SETD1B: variants seen among roughly 807,000 people sequenced by gnomAD.
SETD1B encodes the protein SET domain containing 1B, histone lysine methyltransferase, also known as histone-lysine N-methyltransferase SETD1B.
Under a neutral mutation model 148.0 loss-of-function variants are expected in SETD1B, and 7 were observed. The observed-to-expected ratio is 0.05, with a 90% CI of 0.03 to 0.09. The LOEUF (loss-of-function observed/expected upper bound fraction) is 0.09. Ranked by LOEUF, SETD1B falls within the 10% of genes least tolerant of loss-of-function variation. The pLI is 1.00. For synonymous variants in SETD1B, 1,361 were observed against 1,186.5 expected (o/e 1.15, Z -3.02); for missense variants, 2,155 against 2,729.9 (o/e 0.79, Z 4.69).
the SETD1B span, chr12:121,793,319 C>A: frequency 6.9e-6 from 10 of 1,458,306 alleles, no homozygotes; most frequent in East Asian, 2.2e-4. Context: ...GTCCACCCCC[C>A]TCACTCGTCC....
At chr12:121,803,505 C>T (rs1463511808), upstream of SETD1B, 1 of 152,100 alleles carries the variant, frequency 6.6e-6, no homozygotes, top group African/African-American at 2.4e-5. The surrounding 1 kb of genome is among the most constrained non-coding windows in gnomAD (Gnocchi z 4.7). Context: ...TCGCGGGCCG[C>T]AGGAGGAAGC....
the SETD1B span, among the ~76,000 whole-genome samples, chr12:121,794,949 G>A: frequency 3.3e-5 from 5 of 152,216 alleles, no homozygotes; most frequent in Non-Finnish European, 7.3e-5. Context: ...CAGGACTCAG[G>A]ATCTTTTTGC....
the SETD1B span, chr12:121,796,292 C>CA: frequency 6.5e-6 from 1 of 152,852 alleles, no homozygotes; most frequent in African/African-American, 2.4e-5. Context: ...GTTCCTGACA[C>CA]AACAGCTGTT....
chr12:121,826,350 A>G (rs1396189987), intron 13 of SETD1B, among the ~76,000 whole-genome samples: 1 of 152,230 alleles, frequency 6.6e-6, no homozygotes, highest in East Asian at 1.9e-4. Flanking sequence ...AGAGAGGGTC[A>G]GACCCAGGCG....
At chr12:121,806,276 T>G (rs1025866934) in intron 4 of SETD1B, among the ~76,000 whole-genome samples, 171 bp downstream of exon 4, 1 of 150,764 alleles carries the variant, frequency 6.6e-6, no homozygotes, top group Non-Finnish European at 1.5e-5. Context: ...CTAAATGTGT[T>G]GTCTGTTGCT....
Position 121,822,614 on chromosome 12 carries a change from C to T in SETD1B, c.4035C>T (p.Ala1345=), listed in dbSNP as rs1331925095. Residue 1345 remains alanine, a synonymous_variant, in exon 12 of 17, where the codon GCC becomes GCT. Transcript: ENST00000604567. ...SPPPEPETTD[A]SHPSVPPEPL... is the part of the protein sequence containing the mutation. ...CGCCGGAGCCTGAGACCACAGATGCCTCACACCCATCTGTCCCTCCGGAGC... is the reference window on the plus strand; with the variant it reads ...CGCCGGAGCCTGAGACCACAGATGCTTCACACCCATCTGTCCCTCCGGAGC... The T allele has an allele frequency of 1.7e-5, 26 of 1,551,432 alleles. No homozygotes were observed. Among genetic ancestry groups the T allele is most frequent in the Admixed American group, 3.9e-5 (2 of 50,996 alleles).
Position 121,817,374 on chromosome 12 carries a change from C to CGAGCGA in SETD1B, c.2991_2996dup (p.Glu997_Arg998dup). The stretch of plus-strand genomic sequence containing the variant: ...TGACTCCCTCCCTTCCTGCAGAGTC[C>CGAGCGA]GAGCGAGAGCGAGACCGGGATATGG... On this transcript the variant is annotated inframe_insertion, in exon 9 of 17. Coordinates refer to ENST00000604567, the MANE Select transcript of SETD1B (RefSeq NM_001353345.2). This position sits in a 1 kb window ranked among gnomAD's most constrained non-coding sequence, Gnocchi z 8.1. 1 of 1,524,414 alleles carries CGAGCGA rather than the reference C, an allele frequency of 6.6e-7. No individual in the cohort carries two copies. Among genetic ancestry groups the CGAGCGA allele is most frequent in the African/African-American group, 1.4e-5 (1 of 72,716 alleles). The allele number at this position is 1,524,414 out of a possible 1,614,324, so 94.4% of individuals were successfully genotyped here.
rs868278683 is a variant in SETD1B, at chr12:121,814,524, G to A, written c.2309G>A (p.Gly770Asp). The A allele has an allele frequency of 6.8e-7, 1 of 1,473,052 alleles. No homozygotes were observed. The highest frequency in any genetic ancestry group is 9.0e-7 in the Non-Finnish European group (1 of 1,106,026). 91.2% of individuals were successfully genotyped at this position (1,473,052 alleles called of 1,614,324 possible). A position where few individuals can be genotyped will look rare whatever the true frequency, so the allele number is the denominator to read the frequency against. Reference protein sequence around the residue: ...MSHVLGGQWGGMPMSFQMQTQ... With the variant: ...MSHVLGGQWGDMPMSFQMQTQ... ...CACGTGCTGGGTGGCCAGTGGGGCG[G>A]CATGCCCATGTCCTTCCAGATGCAA... is the stretch of plus-strand genomic sequence containing the variant. Residue 770 changes from glycine to aspartate, a missense_variant, in exon 7 of 17, where the codon GGC (glycine) becomes GAC (aspartate). By Grantham distance (94) the Gly-to-Asp change is moderately conservative. This residue lies in a region of SETD1B where 289 missense variants were observed against 423.7 expected (regional missense o/e 0.68). Transcript: ENST00000604567.
At position 121,808,498 on chromosome 12, in the gene SETD1B, G is replaced by A. The variant is rs776556300; in HGVS notation, c.657+178G>A. ...CCACGCCCCCCACAATTGGGAGCAG[G>A]GCCTAGAGCCCCATTTTCCCAAGTG... On this transcript the variant is annotated intron_variant, in intron 5 of 16. Coordinates refer to ENST00000604567, the MANE Select transcript of SETD1B (RefSeq NM_001353345.2). This position sits in a 1 kb window ranked among gnomAD's most constrained non-coding sequence, Gnocchi z 5.3. Among the ~76,000 whole-genome samples, 35 of 152,302 alleles carry A rather than the reference G, an allele frequency of 2.3e-4. No homozygotes were observed. The highest frequency in any genetic ancestry group is 4.6e-4 in the Non-Finnish European group (31 of 68,018).
intron 15 of SETD1B, 23 bp from the exon 16 acceptor site, chr12:121,827,910 G>T (rs1313795561): frequency 1.3e-6 from 2 of 1,552,172 alleles, no homozygotes; most frequent in South Asian, 1.2e-5. Context: ...GGCCCAGCCA[G>T]ACTGACCCCC....
At chr12:121,791,428 A>G in the SETD1B span, among the ~76,000 whole-genome samples, 1 of 152,162 alleles carries the variant, frequency 6.6e-6, no homozygotes, top group Admixed American at 6.5e-5. Flanking sequence ...GACATCCCCA[A>G]TGATACGTAG....
At position 121,814,701 on chromosome 12, in the gene SETD1B, G is replaced by T; in HGVS notation, c.2486G>T (p.Gly829Val). ...GPFSLSNSGP[G>V]RGQHWPPLPK... ...TTCTCCCTGAGCAACTCCGGCCCAG[G>T]CCGCGGGCAGCACTGGCCACCACTG... The change falls in exon 7 of 17, where the codon GGC (glycine) becomes GTC (valine). Residue 829 changes from glycine (G) to valine (V), a missense_variant. This residue lies in a region of SETD1B where 289 missense variants were observed against 423.7 expected (regional missense o/e 0.68). Transcript: ENST00000604567. The T allele has an allele frequency of 6.4e-7, 1 of 1,550,544 alleles. No homozygotes were observed. Among genetic ancestry groups the T allele is most frequent in the South Asian group, 1.2e-5 (1 of 84,048 alleles).
rs1468213782 is a variant in SETD1B at position 121,814,380 on chromosome 12, C to T, written c.2165C>T (p.Ala722Val). Residue 722 changes from alanine (A) to valine (V), a missense_variant, in exon 7 of 17, where the codon GCT becomes GTT. This residue lies in a region of SETD1B where 295 missense variants were observed against 303.8 expected (regional missense o/e 0.97). Transcript: ENST00000604567. ...CCCCCACCCCCTCCAGCCCACCCTG[C>T]TGTGACAGTGCCCCCACCACCCTTG... ...PPPPPPPAHPAVTVPPPPLPA... is the reference protein window; with the variant it reads ...PPPPPPPAHPVVTVPPPPLPA... 3 of 1,193,930 alleles carry T rather than the reference C, an allele frequency of 2.5e-6. No homozygotes were observed. 74.0% of individuals were successfully genotyped at this position (1,193,930 alleles called of 1,614,324 possible).
chr12:121,825,491 GTGCAAGTGGAAGGGGAGAGGCGGGT>G, intron 13 of SETD1B, 125 bp downstream of exon 13: 1 of 676,892 alleles, frequency 1.5e-6, no homozygotes, highest in East Asian at 3.4e-5. Context: ...CACACAGAGG[GTGCAAGTGGAAGGGGAGAGGCGGGT>G]GGGCGGGGCC....
Position 121,814,300 on chromosome 12 carries a change from A to G in SETD1B, c.2085A>G (p.Pro695=), listed in dbSNP as rs1364353730. 2.0e-6 allele frequency: 1 copy of G among 501,684 alleles called. No homozygotes were observed. Among genetic ancestry groups the G allele is most frequent in the Non-Finnish European group, 2.5e-6 (1 of 404,002 alleles). The allele number at this position is 501,684 out of a possible 1,614,324, so 31.1% of individuals were successfully genotyped here. Residue 695 remains proline (P), a synonymous_variant, in exon 7 of 17, where the codon CCA becomes CCG. Coordinates refer to ENST00000604567, the MANE Select transcript of SETD1B (RefSeq NM_001353345.2). ...TCCCCCCGCTGCCCCCCCCACCACC[A>G]CCACCCCCACCGCAGCCTGGCTTCC... is the stretch of plus-strand genomic sequence containing the variant. ...PGFPPLPPPP[P]PPPPQPGFPM... is the part of the protein sequence containing the mutation.
At chr12:121,793,933 C>T in the SETD1B span, 1 of 288,920 alleles carries the variant, frequency 3.5e-6, no homozygotes, top group Non-Finnish European at 6.4e-6. Context: ...CGCCCCTCGC[C>T]GGCGAGACCC....
At chr12:121,829,911 G>A (rs1237256852) in intron 16 of SETD1B, among the ~76,000 whole-genome samples, 155 bp from the exon 17 acceptor site, 2 of 152,084 alleles carry the variant, frequency 1.3e-5, no homozygotes, top group African/African-American at 4.8e-5. Flanking sequence ...TCACCCCTGG[G>A]GGTCGGGGGA....
chr12:121,794,501 C>T, the SETD1B span: 1 of 152,258 alleles, frequency 6.6e-6, no homozygotes, highest in Non-Finnish European at 1.5e-5. Context: ...CAACTTGGTC[C>T]CTCTCCTGGA....
chr12:121,822,139 A>G (rs1876591887), intron 11 of SETD1B, among the ~76,000 whole-genome samples: 1 of 152,230 alleles, frequency 6.6e-6, no homozygotes, highest in South Asian at 2.1e-4. Flanking sequence ...TAGGAAAAAA[A>G]TCCTTGAAGG....
Sources: gnomAD v4.1 joint callset for allele counts (sites outside exome capture counted in the v4.1 genomes callset) on GRCh38, gnomAD v4.1.1 for gene constraint, gnomAD v4.1.1 regional missense constraint, Gnocchi (gnomAD v3.1) non-coding constraint, MANE v1.5 for transcripts, NCBI Gene and HGNC (gene_info 2026-07-23, HGNC 2026-07-21) for gene names.